Variants in IRAK3 observed in about 807,000 individuals in gnomAD.
IRAK3 encodes interleukin 1 receptor associated kinase 3.
IRAK3 carries 57 observed loss-of-function variants against 56.6 expected under a neutral mutation model. The ratio of observed to expected loss-of-function variants is 1.01; its 90% CI spans 0.81 to 1.26. The LOEUF (loss-of-function observed/expected upper bound fraction) is 1.26, where lower values mean the gene tolerates loss of function less well. IRAK3 is among the 50% of genes most tolerant of loss of function. IRAK3 has a pLI of 0.00. For synonymous variants in IRAK3, 258 were observed against 255.7 expected (o/e 1.01, Z -0.09); for missense variants, 703 against 719.0 (o/e 0.98, Z 0.25).
chr12:66,244,248 A>G (rs1012509669), intron 8 of IRAK3, among the ~76,000 whole-genome samples: 3 of 152,214 alleles, frequency 2.0e-5, no homozygotes, highest in Non-Finnish European at 4.4e-5. Flanking sequence ...ATGTATCTTT[A>G]AGTTTGAAAT....
chr12:66,233,360 T>C (rs1334218020), intron 8 of IRAK3, among the ~76,000 whole-genome samples: 2 of 152,006 alleles, frequency 1.3e-5, no homozygotes, highest in African/African-American at 4.8e-5. Flanking sequence ...CTACTAAAAA[T>C]ACAAGAAATT....
rs2053063978 is a variant in IRAK3 at position 66,248,829 on chromosome 12, T to C, written c.*658T>C. 6.6e-6 allele frequency: 1 copy of C among 152,226 alleles called. No individual in the cohort carries two copies. The highest frequency in any genetic ancestry group is 2.4e-5 in the African/African-American group (1 of 41,442). 9.4% of individuals were successfully genotyped at this position (152,226 alleles called of 1,614,324 possible). A position where few individuals can be genotyped will look rare whatever the true frequency, so the allele number is the denominator to read the frequency against. Reference sequence around the variant, plus strand: ...TGTATTGACTATTATTACAGCTTTTTAAAAACAGACTTAGTGACCTATTAT... The same window carrying C: ...TGTATTGACTATTATTACAGCTTTTCAAAAACAGACTTAGTGACCTATTAT... On this transcript the variant is annotated 3_prime_UTR_variant, in exon 12 of 12. Transcript: ENST00000261233.
At chr12:66,195,066 CAG>C (rs756201589) in intron 1 of IRAK3, among the ~76,000 whole-genome samples, 2 of 152,172 alleles carry the variant, frequency 1.3e-5, no homozygotes, top group Non-Finnish European at 2.9e-5. Flanking sequence ...TTTAACAGCT[CAG>C]AAATGCTCCC....
intron 9 of IRAK3, 30 bp from the exon 10 acceptor site, chr12:66,244,918 T>C: frequency 6.6e-7 from 1 of 1,514,430 alleles, no homozygotes; most frequent in Non-Finnish European, 9.2e-7. Context: ...TTTTAAGATA[T>C]ATAGCTGACT....
intron 6 of IRAK3, among the ~76,000 whole-genome samples, chr12:66,221,806 G>A (rs1592590887): frequency 6.6e-6 from 1 of 152,092 alleles, no homozygotes; most frequent in Non-Finnish European, 1.5e-5. Flanking sequence ...AGGAAGGTGG[G>A]TCACCTGAGG....
intron 11 of IRAK3, among the ~76,000 whole-genome samples, chr12:66,246,653 C>T (rs2053036117): frequency 6.6e-6 from 1 of 152,194 alleles, no homozygotes; most frequent in East Asian, 1.9e-4. Context: ...ATACTGCTTC[C>T]CTTTTCTGAG....
Position 66,228,269 on chromosome 12 carries a change from C to G in IRAK3, c.786C>G (p.Leu262=). The change falls in exon 8 of 12, where the codon CTC becomes CTG. Residue 262 remains leucine (L), a synonymous_variant. Coordinates refer to ENST00000261233, the MANE Select transcript of IRAK3 (RefSeq NM_007199.3). ...TGTTTTAGGGTGACACGGCCCCACTCCCTTGGCACATTCGAATCGGTATAT... is the reference window on the plus strand; with the variant it reads ...TGTTTTAGGGTGACACGGCCCCACTGCCTTGGCACATTCGAATCGGTATAT... ...RLQCVGDTAP[L]PWHIRIGILI... 1 of 1,613,984 alleles carries G rather than the reference C, an allele frequency of 6.2e-7. No individual in the cohort carries two copies. Among genetic ancestry groups the G allele is most frequent in the Non-Finnish European group, 8.5e-7 (1 of 1,179,848 alleles).
At position 66,238,205 on chromosome 12, in the gene IRAK3, T is replaced by G. The variant is rs1274547625; in HGVS notation, c.888-6281T>G. Among the ~76,000 whole-genome samples the G allele has an allele frequency of 2.0e-5, 3 of 152,246 alleles. No homozygotes were observed. In the East Asian group the frequency reaches 5.8e-4, roughly 29 times the overall value. On this transcript the variant is annotated intron_variant, in intron 8 of 11. Transcript: ENST00000261233. ...GGAGAGGCCAAGACAGCAGAAAGCA[T>G]AGTTTGTCCTGACTGCATAGTAAGT...
intron 2 of IRAK3, 101 bp from the exon 3 acceptor site, chr12:66,209,355 G>T: frequency 1.3e-6 from 1 of 742,076 alleles, no homozygotes; most frequent in South Asian, 1.4e-5. Context: ...CTTTAGAAAT[G>T]AACAATGGCT....
intron 2 of IRAK3, among the ~76,000 whole-genome samples, chr12:66,206,467 C>T (rs1203081789): frequency 6.6e-6 from 1 of 152,096 alleles, no homozygotes. Flanking sequence ...TTTTTGTCAT[C>T]TATTGAAATG....
chr12:66,236,567 A>T (rs1022866446), intron 8 of IRAK3, among the ~76,000 whole-genome samples: 39 of 142,924 alleles, frequency 2.7e-4, no homozygotes, highest in Non-Finnish European at 5.9e-4. Context: ...GACTCCGTCT[A>T]AAAAAAAAAA....
At chr12:66,230,556 C>T (rs1446288950) in intron 8 of IRAK3, among the ~76,000 whole-genome samples, 3 of 152,108 alleles carry the variant, frequency 2.0e-5, no homozygotes, top group African/African-American at 4.8e-5. Context: ...AGGCAGCTCC[C>T]TTCTACCAAG....
chr12:66,224,992 C>T (rs2052770917), intron 6 of IRAK3, among the ~76,000 whole-genome samples: 1 of 152,180 alleles, frequency 6.6e-6, no homozygotes, highest in Non-Finnish European at 1.5e-5. Context: ...ACAACACCAG[C>T]AAACTTTCTC....
At chr12:66,217,288 TG>T (rs1323453687) in intron 6 of IRAK3, 53 bp downstream of exon 6, 2 of 1,298,474 alleles carry the variant, frequency 1.5e-6, no homozygotes, top group Admixed American at 1.7e-5. Flanking sequence ...GTTTCATCTC[TG>T]TTCATTTTTT....
intron 8 of IRAK3, among the ~76,000 whole-genome samples, chr12:66,239,968 C>T (rs2052949579): frequency 6.6e-6 from 1 of 152,152 alleles, no homozygotes; most frequent in African/African-American, 2.4e-5. Context: ...AATTTGTTGG[C>T]ATTAACTAAC....
intron 8 of IRAK3, among the ~76,000 whole-genome samples, chr12:66,239,662 A>G (rs1264097886): frequency 1.3e-5 from 2 of 152,184 alleles, no homozygotes; most frequent in Non-Finnish European, 2.9e-5. Context: ...TTTTAGATAT[A>G]TATAATTCTT....
At chr12:66,243,419 C>A (rs1022962432) in intron 8 of IRAK3, among the ~76,000 whole-genome samples, 3 of 152,156 alleles carry the variant, frequency 2.0e-5, no homozygotes, top group African/African-American at 7.2e-5. Context: ...TGCCTCTTGG[C>A]ATTTTGGATG....
rs1338601646 is a variant in IRAK3 at position 66,253,919 on chromosome 12, A to T, written c.*5748A>T. The T allele has an allele frequency of 2.6e-5, 4 of 152,228 alleles. No homozygotes were observed. Among genetic ancestry groups the T allele is most frequent in the Non-Finnish European group, 4.4e-5 (3 of 68,032 alleles). 9.4% of individuals were successfully genotyped at this position (152,228 alleles called of 1,614,324 possible). The stretch of plus-strand genomic sequence containing the variant: ...AAAAACACTTTATTCAAGTCCAGGA[A>T]ATATCTGCCTTGAAAAAGAATAACT... On this transcript the variant is annotated 3_prime_UTR_variant, in exon 12 of 12. Transcript: ENST00000261233.
chr12:66,215,248 G>A (rs1053888516), intron 5 of IRAK3, among the ~76,000 whole-genome samples: 1 of 152,080 alleles, frequency 6.6e-6, no homozygotes, highest in African/African-American at 2.4e-5. Flanking sequence ...TCCCCAAAGG[G>A]TCCGTCCAGT....
Sources: allele counts gnomAD v4.1 joint callset (sites outside exome capture counted in the v4.1 genomes callset), GRCh38; gene constraint gnomAD v4.1.1; transcripts MANE v1.5; gene names NCBI Gene and HGNC (gene_info 2026-07-23, HGNC 2026-07-21).